The following CDCA2 variants were observed in gnomAD, a reference collection of about 807,000 sequenced individuals.
The protein encoded by CDCA2 is cell division cycle-associated protein 2.
CDCA2 carries 44 observed loss-of-function variants against 67.0 expected under a neutral mutation model. The ratio of observed to expected loss-of-function variants is 0.66; its 90% CI spans 0.52 to 0.84. CDCA2 has a LOEUF of 0.84. Among genes scored for constraint, CDCA2 ranks in the 40% least tolerant of loss-of-function variants. The pLI, the probability that CDCA2 is intolerant of heterozygous loss-of-function variation, is 0.00. For synonymous variants in CDCA2, 447 were observed against 418.7 expected (o/e 1.07, Z -0.82); for missense variants, 1,253 against 1,203.2 (o/e 1.04, Z -0.61).
At chr8:25,478,190 A>T (rs982035587) in intron 7 of CDCA2, among the ~76,000 whole-genome samples, 2 of 152,056 alleles carry the variant, frequency 1.3e-5, no homozygotes, top group African/African-American at 4.8e-5. Flanking sequence ...TTGGTCTCTC[A>T]AAGTGCTGGG....
At chr8:25,463,912 G>A (rs1802799487) in intron 4 of CDCA2, among the ~76,000 whole-genome samples, 1 of 152,116 alleles carries the variant, frequency 6.6e-6, no homozygotes. Flanking sequence ...CCTTGTTCTT[G>A]GAGAGTACCT....
intron 13 of CDCA2, among the ~76,000 whole-genome samples, chr8:25,497,492 TAAAAAA>T (rs1438502040): frequency 5.8e-5 from 2 of 34,190 alleles, no homozygotes; most frequent in Non-Finnish European, 2.1e-4. Flanking sequence ...GTGGAATCTT[TAAAAAA>T]TAAAAAATAA....
chr8:25,460,122 CGT>C, intron 1 of CDCA2, 116 bp from the exon 2 acceptor site: 1 of 911,092 alleles, frequency 1.1e-6, no homozygotes, highest in Non-Finnish European at 1.8e-6. Context: ...AAACCTGTGA[CGT>C]GTGTTTCTAT....
chr8:25,470,332 C>T (rs1803102039), intron 7 of CDCA2, among the ~76,000 whole-genome samples: 1 of 152,144 alleles, frequency 6.6e-6, no homozygotes, highest in Non-Finnish European at 1.5e-5. Flanking sequence ...ATTATTCTTT[C>T]TCAAAATCAG....
At chr8:25,470,131 A>G (rs1803093432) in intron 7 of CDCA2, 151 bp downstream of exon 7, 3 of 538,868 alleles carry the variant, frequency 5.6e-6, no homozygotes, top group East Asian at 5.6e-5. Context: ...AATTCTTGTT[A>G]TATGAGAGAT....
chr8:25,470,982 C>T (rs1427226879), intron 7 of CDCA2, among the ~76,000 whole-genome samples: 1 of 152,014 alleles, frequency 6.6e-6, no homozygotes. Context: ...GGCTGGGCTT[C>T]AACTCCTTGC....
At chr8:25,494,664 A>G (rs1296541481) in intron 13 of CDCA2, among the ~76,000 whole-genome samples, 1 of 152,372 alleles carries the variant, frequency 6.6e-6, no homozygotes, top group Admixed American at 6.5e-5. Flanking sequence ...TATGTGGTCA[A>G]CTACTGGTTA....
intron 14 of CDCA2, among the ~76,000 whole-genome samples, chr8:25,504,037 C>T (rs1386170019): frequency 2.0e-5 from 3 of 151,258 alleles, no homozygotes; most frequent in African/African-American, 7.3e-5. Flanking sequence ...AAAAAAGGAA[C>T]AAAAAAAGTC....
At chr8:25,495,925 A>C (rs1249171518) in intron 13 of CDCA2, among the ~76,000 whole-genome samples, 5 of 152,230 alleles carry the variant, frequency 3.3e-5, no homozygotes, top group Admixed American at 3.3e-4. Flanking sequence ...TTGAATTGGA[A>C]ATAAGAGTAG....
At position 25,507,803 on chromosome 8, in the gene CDCA2, T is replaced by A. The variant is rs1043499765; in HGVS notation, c.*65T>A. ...ACCATCTATGCTGAAATGATCTGTCTAGTTCCCATTCTCTGTTCAACCTCA... is the reference window on the plus strand; with the variant it reads ...ACCATCTATGCTGAAATGATCTGTCAAGTTCCCATTCTCTGTTCAACCTCA... On this transcript the variant is annotated 3_prime_UTR_variant, in exon 15 of 15. Transcript: ENST00000330560. 1.3e-6 allele frequency: 2 copies of A among 1,484,070 alleles called. No homozygotes were observed. Among genetic ancestry groups the A allele is most frequent in the Non-Finnish European group, 1.8e-6 (2 of 1,119,218 alleles). The allele number at this position is 1,484,070 out of a possible 1,614,324, so 91.9% of individuals were successfully genotyped here.
chr8:25,462,079 A>G lies in CDCA2; in HGVS notation c.258A>G (p.Lys86=), dbSNP rs767452120. The change falls in exon 4 of 15, where the codon AAA becomes AAG. Residue 86 remains lysine (K), a synonymous_variant. Coordinates refer to ENST00000330560, the MANE Select transcript of CDCA2 (RefSeq NM_152562.4). ...GAAAGTCATCATCCTACCTTAAAAA[A>G]TGTAGACGACGTTCTGCAGTCGGTG... ...SAGKSSSYLK[K]CRRRSAVGAR... 1.3e-5 allele frequency: 21 copies of G among 1,614,028 alleles called. No homozygotes were observed. The highest frequency in any genetic ancestry group is 1.4e-5 in the Non-Finnish European group (17 of 1,179,966).
At chr8:25,464,741 T>A (rs1178151670) in intron 4 of CDCA2, among the ~76,000 whole-genome samples, 1 of 152,230 alleles carries the variant, frequency 6.6e-6, no homozygotes, top group African/African-American at 2.4e-5. Context: ...ATTGTATGAA[T>A]TTGAGATCAT....
intron 8 of CDCA2, among the ~76,000 whole-genome samples, chr8:25,483,167 G>A (rs1326935588): frequency 2.0e-5 from 3 of 152,100 alleles, no homozygotes; most frequent in Admixed American, 6.5e-5. Flanking sequence ...TGATTTCTAT[G>A]CTTTAATTTT....
At chr8:25,485,208 AT>A (rs1160258051) in intron 10 of CDCA2, among the ~76,000 whole-genome samples, 2 of 51,228 alleles carry the variant, frequency 3.9e-5, no homozygotes, top group East Asian at 3.8e-4. Context: ...AATAATAATA[AT>A]AAAGAAAAAG....
At chr8:25,476,758 T>G (rs1024685363) in intron 7 of CDCA2, among the ~76,000 whole-genome samples, 1 of 152,028 alleles carries the variant, frequency 6.6e-6, no homozygotes. Context: ...CTCACCATGT[T>G]GGCCGGGCTG....
At chr8:25,462,470 T>A (rs1001402866) in intron 4 of CDCA2, among the ~76,000 whole-genome samples, 12 of 112,340 alleles carry the variant, frequency 1.1e-4, no homozygotes, top group Non-Finnish European at 2.0e-4. Flanking sequence ...CTACTAAAAA[T>A]ACGAAAATTA....
intron 14 of CDCA2, 133 bp from the exon 15 acceptor site, chr8:25,506,377 A>T: frequency 5.6e-6 from 4 of 715,402 alleles, no homozygotes; most frequent in South Asian, 2.3e-5. Flanking sequence ...GGGCAAGCAC[A>T]GTGTAACATT....
intron 14 of CDCA2, among the ~76,000 whole-genome samples, chr8:25,504,129 T>C (rs1804585063): frequency 6.6e-6 from 1 of 152,184 alleles, no homozygotes; most frequent in Admixed American, 6.5e-5. Context: ...ACTACTGTTT[T>C]CTAAAAATAA....
intron 13 of CDCA2, 152 bp from the exon 14 acceptor site, chr8:25,503,221 T>C (rs1470359941): frequency 3.2e-6 from 2 of 615,916 alleles, no homozygotes; most frequent in Non-Finnish European, 5.6e-6. Context: ...GGGCAGAAGT[T>C]GCAGTGAGCT....
Sources: allele counts gnomAD v4.1 joint callset (sites outside exome capture counted in the v4.1 genomes callset), GRCh38; gene constraint gnomAD v4.1.1; transcripts MANE v1.5; gene names NCBI Gene and HGNC (gene_info 2026-07-23, HGNC 2026-07-21).